PPM1A: variants seen among roughly 807,000 people sequenced by gnomAD.
PPM1A encodes the protein protein phosphatase 1A.
A neutral mutation model predicts 35.0 loss-of-function variants in PPM1A; 7 were observed. The ratio of observed to expected loss-of-function variants is 0.20; its 90% confidence interval spans 0.11 to 0.38. The LOEUF (loss-of-function observed/expected upper bound fraction) is 0.38, where lower values mean the gene tolerates loss of function less well. Among genes scored for constraint, PPM1A ranks in the 10% least tolerant of loss-of-function variants. PPM1A has a pLI of 1.00. For synonymous variants in PPM1A, 153 were observed against 167.3 expected (o/e 0.91, Z 0.66); for missense variants, 239 against 467.8 (o/e 0.51, Z 4.51).
Position 60,296,102 on chromosome 14 carries a change from C to T in PPM1A, c.*3620C>T, listed in dbSNP as rs1888046502. 1 of 151,578 alleles carries T rather than the reference C, an allele frequency of 6.6e-6. No individual in the cohort carries two copies. The highest frequency in any genetic ancestry group is 1.5e-5 in the Non-Finnish European group (1 of 67,636). The allele number at this position is 151,578 out of a possible 1,614,324, so 9.4% of individuals were successfully genotyped here. A position where few individuals can be genotyped will look rare whatever the true frequency, so the allele number is the denominator to read the frequency against. ...ATGTAGGTGGGGTTTGAGTTTAAGG[C>T]ATTTAAAAATGTAAATATCTCTAGC... On this transcript the variant is annotated 3_prime_UTR_variant, in exon 6 of 6. Transcript: ENST00000395076. The surrounding 1 kb of genome is among the most constrained non-coding windows in gnomAD (Gnocchi z 4.4).
At chr14:60,258,889 C>T (rs1883438311) in intron 1 of PPM1A, among the ~76,000 whole-genome samples, 1 of 151,978 alleles carries the variant, frequency 6.6e-6, no homozygotes, top group Non-Finnish European at 1.5e-5. Flanking sequence ...AGAGATAATT[C>T]ACCAGATAAA....
At position 60,283,291 on chromosome 14, in the gene PPM1A, C is replaced by T. The variant is rs760984276; in HGVS notation, c.588C>T (p.Ala196=). 8.7e-6 allele frequency: 14 copies of T among 1,613,978 alleles called. No individual in the cohort carries two copies. The African/African-American group carries it at 1.6e-4, about 18-fold the overall frequency. The part of the protein sequence containing the change: ...RVNGSLAVSR[A]LGDFDYKCVH... Reference sequence around the variant, plus strand: ...ATGGCTCTCTGGCTGTATCGAGGGCCCTTGGGGATTTTGATTACAAATGTG... The same window carrying T: ...ATGGCTCTCTGGCTGTATCGAGGGCTCTTGGGGATTTTGATTACAAATGTG... Residue 196 remains alanine (A), a synonymous_variant, in exon 2 of 6, where the codon GCC becomes GCT. Transcript: ENST00000395076. This position sits in a 1 kb window ranked among gnomAD's most constrained non-coding sequence, Gnocchi z 6.3.
chr14:60,269,126 A>G (rs912393806), intron 1 of PPM1A, among the ~76,000 whole-genome samples: 1 of 152,102 alleles, frequency 6.6e-6, no homozygotes, highest in Admixed American at 6.5e-5. Context: ...CATGGCTCTT[A>G]TTCTGTTTAT....
intron 3 of PPM1A, among the ~76,000 whole-genome samples, chr14:60,288,948 A>G (rs1388758156): frequency 6.6e-6 from 1 of 152,118 alleles, no homozygotes; most frequent in Non-Finnish European, 1.5e-5. Context: ...ACTTAGAGGA[A>G]TAGTTGTAGA....
chr14:60,280,966 T>C (rs906765033), intron 1 of PPM1A, among the ~76,000 whole-genome samples: 3 of 152,200 alleles, frequency 2.0e-5, no homozygotes, highest in African/African-American at 7.2e-5. Context: ...TTTAAACTTA[T>C]TAGTTGAGTG....
Position 60,289,792 on chromosome 14 carries a change from C to T in PPM1A, c.953-14C>T. ...TTGGATAACACTTACAAAAAAAGTA[C>T]TTCTGATTCCCAGAAATCATAAAGA... On this transcript the variant is annotated splice_polypyrimidine_tract_variant and intron_variant, in intron 3 of 5. Transcript: ENST00000395076. The surrounding 1 kb of genome is among the most constrained non-coding windows in gnomAD (Gnocchi z 4.1). 1 of 1,568,010 alleles carries T rather than the reference C, an allele frequency of 6.4e-7. No homozygotes were observed. The highest frequency in any genetic ancestry group is 8.8e-7 in the Non-Finnish European group (1 of 1,142,010).
At chr14:60,257,731 G>A (rs920917872) in intron 1 of PPM1A, among the ~76,000 whole-genome samples, 1 of 152,110 alleles carries the variant, frequency 6.6e-6, no homozygotes, top group African/African-American at 2.4e-5. Flanking sequence ...TTGGTACTGT[G>A]TGTATAAAGA....
upstream of PPM1A, among the ~76,000 whole-genome samples, chr14:60,248,487 T>C (rs1196793714): frequency 6.6e-6 from 1 of 152,208 alleles, no homozygotes; most frequent in African/African-American, 2.4e-5. Flanking sequence ...CGCACATTGG[T>C]GGGCGGTGGT....
At chr14:60,274,670 A>C (rs1296578133) in intron 1 of PPM1A, among the ~76,000 whole-genome samples, 2 of 151,738 alleles carry the variant, frequency 1.3e-5, no homozygotes, top group African/African-American at 4.9e-5. Flanking sequence ...ATTCATTGAA[A>C]TGGTTCACTC....
chr14:60,245,947 G>C (rs779637222), upstream of PPM1A: 2 of 1,578,930 alleles, frequency 1.3e-6, no homozygotes, highest in African/African-American at 1.3e-5. The surrounding 1 kb of genome is among the most constrained non-coding windows in gnomAD (Gnocchi z 4.2). Flanking sequence ...GGCAAAGAAG[G>C]CAAAAAGAGA....
intron 1 of PPM1A, among the ~76,000 whole-genome samples, chr14:60,269,912 G>A (rs928625754): frequency 2.0e-5 from 3 of 152,134 alleles, no homozygotes; most frequent in Non-Finnish European, 4.4e-5. Flanking sequence ...TTATGCTTCG[G>A]TATTGGTCAG....
At chr14:60,287,311 A>C in intron 3 of PPM1A, 1 of 983,986 alleles carries the variant, frequency 1.0e-6, no homozygotes, top group African/African-American at 1.7e-5. Context: ...GTTTACATTG[A>C]TACTCAATAT....
chr14:60,294,608 C>G lies in PPM1A; in HGVS notation c.*2126C>G, dbSNP rs1327111916. On this transcript the variant is annotated 3_prime_UTR_variant, in exon 6 of 6. Coordinates refer to ENST00000395076, the MANE Select transcript of PPM1A (RefSeq NM_021003.5). The stretch of plus-strand genomic sequence containing the variant: ...CTGACAACTTTAGTTCCAGAAATTG[C>G]AAAACTTTGAACTGGACTGTGTAAT... 1 of 151,612 alleles carries G rather than the reference C, an allele frequency of 6.6e-6. No individual in the cohort carries two copies. Among genetic ancestry groups the G allele is most frequent in the Non-Finnish European group, 1.5e-5 (1 of 67,754 alleles). 9.4% of individuals were successfully genotyped at this position (151,612 alleles called of 1,614,324 possible).
chr14:60,247,326 C>T (rs895557608), upstream of PPM1A, among the ~76,000 whole-genome samples: 3 of 151,976 alleles, frequency 2.0e-5, no homozygotes, highest in Admixed American at 6.6e-5. Flanking sequence ...AAATGATCCA[C>T]GATCATCTTC....
intron 3 of PPM1A, chr14:60,286,819 AGTATGTGTTT>A: frequency 2.0e-6 from 2 of 982,724 alleles, no homozygotes; most frequent in Non-Finnish European, 2.4e-6. Context: ...TCATACATCT[AGTATGTGTTT>A]GTACTATTTA....
At chr14:60,281,504 C>T (rs779645980) in intron 1 of PPM1A, among the ~76,000 whole-genome samples, 4 of 152,156 alleles carry the variant, frequency 2.6e-5, no homozygotes, top group African/African-American at 7.2e-5. Flanking sequence ...TTCAGAGCTG[C>T]GTAGTGATTT....
At chr14:60,269,074 A>G (rs1884756819) in intron 1 of PPM1A, among the ~76,000 whole-genome samples, 1 of 151,948 alleles carries the variant, frequency 6.6e-6, no homozygotes, top group African/African-American at 2.4e-5. Context: ...AACAGAATAT[A>G]TAGTCTTGAA....
intron 1 of PPM1A, chr14:60,267,107 A>ATC (rs1884475618): frequency 6.6e-6 from 1 of 152,104 alleles, no homozygotes; most frequent in African/African-American, 2.4e-5. Context: ...TGAGTTTGCC[A>ATC]TCATGTCATT....
Position 60,289,973 on chromosome 14 carries a change from T to C in PPM1A, c.1061+59T>C, listed in dbSNP as rs1278006022. 14 of 1,179,582 alleles carry C rather than the reference T, an allele frequency of 1.2e-5. No homozygotes were observed. The highest frequency in any genetic ancestry group is 5.9e-6 in the Non-Finnish European group (5 of 841,906). 73.1% of individuals were successfully genotyped at this position (1,179,582 alleles called of 1,614,324 possible). A position where few individuals can be genotyped will look rare whatever the true frequency, so the allele number is the denominator to read the frequency against. ...GTCAGTGTATGAAAATGTTAGGTAT[T>C]CATTGATAAAATGTTTGTTTGCCTA... On this transcript the variant is annotated intron_variant, in intron 4 of 5. Coordinates refer to ENST00000395076, the MANE Select transcript of PPM1A (RefSeq NM_021003.5). This position sits in a 1 kb window ranked among gnomAD's most constrained non-coding sequence, Gnocchi z 4.1.
Sources: allele counts gnomAD v4.1 joint callset (sites outside exome capture counted in the v4.1 genomes callset), GRCh38; gene constraint gnomAD v4.1.1; non-coding constraint Gnocchi (gnomAD v3.1); transcripts MANE v1.5; gene names NCBI Gene and HGNC (gene_info 2026-07-23, HGNC 2026-07-21).